GLB1L: variants seen among roughly 807,000 people sequenced by gnomAD.
GLB1L encodes galactosidase beta 1 like, also known as beta-galactosidase-1-like protein.
Under a neutral mutation model 75.7 loss-of-function variants are expected in GLB1L, and 58 were observed. The observed-to-expected ratio is 0.77, with a 90% confidence interval of 0.62 to 0.95. The LOEUF is 0.95. Ranked by LOEUF, GLB1L falls within the 40% of genes least tolerant of loss-of-function variation. The pLI is 0.00. For missense variants in GLB1L, 797 were observed against 805.5 expected (o/e 0.99, Z 0.13); for synonymous variants, 296 against 303.0 (o/e 0.98, Z 0.24).
intron 10 of GLB1L, 63 bp from the exon 11 acceptor site, chr2:219,239,273 G>A: frequency 1.3e-6 from 2 of 1,497,078 alleles, no homozygotes; most frequent in Non-Finnish European, 1.8e-6. Context: ...TACTAAGCAT[G>A]CTTCATGCAG....
rs1210794187 is a variant in GLB1L at position 219,241,438 on chromosome 2, G to GTATA, written c.451+1075_451+1076insTATA. On this transcript the variant is annotated intron_variant, in intron 5 of 16. Transcript: ENST00000295759. ...TGTGTGTGTGTGTGTGTGTGTGTGT[G>GTATA]TGTGTATATATATATATATATATAT... 5.3e-3 allele frequency among the ~76,000 whole-genome samples: 455 copies of GTATA among 85,108 alleles called. 1 individual carries two copies. The highest frequency in any genetic ancestry group is 0.011 in the African/African-American group (273 of 23,986). The allele number at this position is 85,108 out of a possible 152,430, so 55.8% of individuals were successfully genotyped here.
In GLB1L at chr2:219,239,466, G is replaced by A; in HGVS notation, c.903-15C>T. 1.9e-6 allele frequency: 3 copies of A among 1,610,002 alleles called. No individual in the cohort carries two copies. Among genetic ancestry groups the A allele is most frequent in the Non-Finnish European group, 2.5e-6 (3 of 1,177,600 alleles). On this transcript the variant is annotated splice_polypyrimidine_tract_variant and intron_variant, in intron 9 of 16. Coordinates refer to ENST00000295759, the MANE Select transcript of GLB1L (RefSeq NM_001286423.2). The stretch of plus-strand genomic sequence containing the variant: ...GGAACATGTACCTGAAGTGAGAGAG[G>A]GTGGGGGAACAGGTAAAAGCTGACT...
chr2:219,240,489 A>T (rs1951358219), intron 5 of GLB1L, among the ~76,000 whole-genome samples: 2 of 152,252 alleles, frequency 1.3e-5, no homozygotes, highest in African/African-American at 2.4e-5. Context: ...CACGCCTGTA[A>T]TCCCAGCACT....
At position 219,240,066 on chromosome 2, in the gene GLB1L, G is replaced by C. The variant is rs1405475863; in HGVS notation, c.575C>G (p.Ala192Gly). The change falls in exon 7 of 17, where the codon GCC becomes GGC. Residue 192 changes from alanine to glycine, a missense_variant. Ala to Gly is a moderately conservative substitution (Grantham distance 60). Coordinates refer to ENST00000295759, the MANE Select transcript of GLB1L (RefSeq NM_001286423.2). ...QVENEYGSYR[A>G]CDFSYMRHLA... Reference sequence around the variant, plus strand: ...GTGCCTCATGTAGCTGAAGTCACAGGCTCTGTAGCTACCATATTCATTCTC... The same window carrying C: ...GTGCCTCATGTAGCTGAAGTCACAGCCTCTGTAGCTACCATATTCATTCTC... The C allele has an allele frequency of 9.3e-6, 15 of 1,614,068 alleles. No individual in the cohort carries two copies. The highest frequency in any genetic ancestry group is 1.2e-5 in the Non-Finnish European group (14 of 1,180,038).
At position 219,240,174 on chromosome 2, in the gene GLB1L, T is replaced by A; in HGVS notation, c.546+17A>T. ...CTTGTACCTTCTTCCCCTGCTCCAG[T>A]CACTTCCCCCTTGTACCTGAATGCT... On this transcript the variant is annotated intron_variant, in intron 6 of 16. Transcript: ENST00000295759. 1 of 1,613,638 alleles carries A rather than the reference T, an allele frequency of 6.2e-7. No individual in the cohort carries two copies. Among genetic ancestry groups the A allele is most frequent in the Non-Finnish European group, 8.5e-7 (1 of 1,179,510 alleles).
At chr2:219,242,139 C>A (rs1396345416) in intron 5 of GLB1L, among the ~76,000 whole-genome samples, 1 of 152,142 alleles carries the variant, frequency 6.6e-6, no homozygotes, top group African/African-American at 2.4e-5. Flanking sequence ...AGGTGCCCAC[C>A]ACCTCGCCCA....
In GLB1L at chr2:219,238,258, C is replaced by T. The variant is rs1338067762; in HGVS notation, c.1333G>A (p.Val445Met). The change falls in exon 14 of 17, where the codon GTG (valine) becomes ATG (methionine). Residue 445 changes from valine (V) to methionine (M), a missense_variant. Transcript: ENST00000295759. ...NGVHDRAYVM[V>M]DGVFQGVVER... ...TGGAATTAGGTTCTCACCCCATCCA[C>T]CATCACATAGGCACGGTCATGGACT... The T allele has an allele frequency of 4.4e-6, 7 of 1,598,722 alleles. No individual in the cohort carries two copies. Among genetic ancestry groups the T allele is most frequent in the South Asian group, 1.1e-5 (1 of 89,428 alleles).
At position 219,243,626 on chromosome 2, in the gene GLB1L, G is replaced by T; in HGVS notation, c.-53C>A. 1.3e-6 allele frequency: 2 copies of T among 1,579,374 alleles called. No homozygotes were observed. Among genetic ancestry groups the T allele is most frequent in the Admixed American group, 3.3e-5 (2 of 59,868 alleles). On this transcript the variant is annotated 5_prime_UTR_variant, in exon 2 of 17. Transcript: ENST00000295759. ...GACGGCGGACAGACCGTCACGTGTC[G>T]GATTCCTGGGAGGGAACCTCAGCGA...
chr2:219,243,438 T>C (rs891675679), intron 2 of GLB1L, 64 bp downstream of exon 2: 1 of 1,603,958 alleles, frequency 6.2e-7, no homozygotes, highest in Non-Finnish European at 8.5e-7. Flanking sequence ...TTGGACTTTC[T>C]CTCATCCGCT....
intron 10 of GLB1L, 82 bp downstream of exon 10, chr2:219,239,329 T>C: frequency 3.3e-6 from 5 of 1,502,862 alleles, no homozygotes; most frequent in African/African-American, 1.4e-5. Flanking sequence ...ATTCAGCTTC[T>C]AGACATCCTA....
chr2:219,240,275 G>A lies in GLB1L; in HGVS notation c.462C>T (p.Ala154=), dbSNP rs142797974. The change falls in exon 6 of 17, where the codon GCC becomes GCT. Residue 154 remains alanine (A), a synonymous_variant. Coordinates refer to ENST00000295759, the MANE Select transcript of GLB1L (RefSeq NM_001286423.2). The part of the protein sequence containing the change: ...HLRTSDPDFL[A]AVDSWFKVLL... ...AGACCTTGAACCAGGAGTCCACTGC[G>A]GCAAGGAAGTCTAAAGGAAGGAGCA... 2.5e-5 allele frequency: 40 copies of A among 1,613,902 alleles called. No homozygotes were observed. The East Asian group carries it at 3.3e-4, about 13-fold the overall frequency.
rs1348751875 is a variant in GLB1L, at chr2:219,240,197, G to A, written c.540C>T (p.Ser180=). The A allele has an allele frequency of 6.2e-7, 1 of 1,614,034 alleles. No homozygotes were observed. The highest frequency in any genetic ancestry group is 1.7e-5 in the Admixed American group (1 of 60,032). ...AGTCACTTCCCCCTTGTACCTGAAT[G>A]CTAATGATGTTGCCCCCATTGTGAT... ...WLYHNGGNII[S]IQVENEYGSY... is the part of the protein sequence containing the mutation. The change falls in exon 6 of 17, where the codon AGC becomes AGT. Residue 180 remains serine, a synonymous_variant. Transcript: ENST00000295759.
intron 14 of GLB1L, 129 bp downstream of exon 14, chr2:219,238,121 A>G (rs997895991): frequency 1.9e-6 from 2 of 1,042,160 alleles, no homozygotes; most frequent in African/African-American, 3.2e-5. Context: ...TCCTCATCCC[A>G]GCTTATCCCT....
In GLB1L at chr2:219,243,194, C is replaced by A. The variant is rs1055539149; in HGVS notation, c.193G>T (p.Asp65Tyr). The A allele has an allele frequency of 1.2e-6, 2 of 1,613,694 alleles. No homozygotes were observed. Among genetic ancestry groups the A allele is most frequent in the Non-Finnish European group, 1.7e-6 (2 of 1,179,860 alleles). Residue 65 changes from aspartate to tyrosine, a missense_variant, in exon 3 of 17, where the codon GAC becomes TAC. Physicochemically the swap from Asp to Tyr is radical, Grantham distance 160. Transcript: ENST00000295759. ...YFRVPRVLWADRLLKMRWSGL... is the reference protein window; with the variant it reads ...YFRVPRVLWAYRLLKMRWSGL... ...CTCCATCGCATCTTCAAAAGCCGGT[C>A]GGCCCAAAGCACCCGCGGTACCCGA... is the stretch of plus-strand genomic sequence containing the variant.
rs541235357 is a variant in GLB1L at position 219,239,952 on chromosome 2, C to T, written c.689G>A (p.Arg230Gln). The T allele has an allele frequency of 1.8e-5, 29 of 1,614,076 alleles. No homozygotes were observed. In the African/African-American group the frequency reaches 2.4e-4, roughly 13 times the overall value. ...AAAATCTACAGTGGTATAGAGTCCCCGGAGGGAGCCACACTTGAGTCCTTC... is the reference window on the plus strand; with the variant it reads ...AAAATCTACAGTGGTATAGAGTCCCTGGAGGGAGCCACACTTGAGTCCTTC... Reference protein sequence around the residue: ...GPEGLKCGSLRGLYTTVDFGP... With the variant: ...GPEGLKCGSLQGLYTTVDFGP... The change falls in exon 7 of 17, where the codon CGG (arginine) becomes CAG (glutamine). Residue 230 changes from arginine (R) to glutamine (Q), a missense_variant. By Grantham distance (43) the Arg-to-Gln change is conservative. Transcript: ENST00000295759.
chr2:219,241,442 G>GTGTATATA (rs1382897637), intron 5 of GLB1L, among the ~76,000 whole-genome samples: 13 of 82,902 alleles, frequency 1.6e-4, no homozygotes, highest in Admixed American at 5.4e-4. Context: ...GTGTGTGTGT[G>GTGTATATA]TATATATATA....
At chr2:219,239,031 TG>T in intron 11 of GLB1L, 60 bp downstream of exon 11, 1 of 1,174,192 alleles carries the variant, frequency 8.5e-7, no homozygotes, top group Non-Finnish European at 1.3e-6. Flanking sequence ...CTTTACAATG[TG>T]GGCACTCCCT....
Position 219,240,301 on chromosome 2 carries a change from G to T in GLB1L, c.452-16C>A. 6.3e-7 allele frequency: 1 copy of T among 1,598,320 alleles called. No individual in the cohort carries two copies. Among genetic ancestry groups the T allele is most frequent in the Non-Finnish European group, 8.6e-7 (1 of 1,165,600 alleles). On this transcript the variant is annotated splice_polypyrimidine_tract_variant and intron_variant, in intron 5 of 16. Coordinates refer to ENST00000295759, the MANE Select transcript of GLB1L (RefSeq NM_001286423.2). The stretch of plus-strand genomic sequence containing the variant: ...GCAAGGAAGTCTAAAGGAAGGAGCA[G>T]AGCTTCTGTGTTAGGTGCTACCATC...
At position 219,242,822 on chromosome 2, in the gene GLB1L, C is replaced by T. The variant is rs1370682257; in HGVS notation, c.336G>A (p.Ala112=). The T allele has an allele frequency of 1.9e-6, 3 of 1,614,204 alleles. No individual in the cohort carries two copies. The highest frequency in any genetic ancestry group is 8.5e-7 in the Non-Finnish European group (1 of 1,180,030). Residue 112 remains alanine (A), a synonymous_variant, in exon 4 of 17, where the codon GCG becomes GCA. Transcript: ENST00000295759. ...CTGGTCTCAGTATGACCAACAGGTT[C>T]GCTAGAGCTGCCTCATTCAGAAAGG... ...LIAFLNEAAL[A]NLLVILRPGP...
Sources: allele counts gnomAD v4.1 joint callset (sites outside exome capture counted in the v4.1 genomes callset), GRCh38; gene constraint gnomAD v4.1.1; transcripts MANE v1.5; gene names NCBI Gene and HGNC (gene_info 2026-07-23, HGNC 2026-07-21).